EPB41L3: variants seen among roughly 807,000 people sequenced by gnomAD.
The protein encoded by EPB41L3 is band 4.1-like protein 3.
A neutral mutation model predicts 127.1 loss-of-function variants in EPB41L3; 57 were observed. The observed-to-expected ratio is 0.45, with a 90% CI of 0.36 to 0.56. The LOEUF is 0.56. EPB41L3 is among the 20% of genes least tolerant of loss of function. The pLI, the probability that EPB41L3 is intolerant of heterozygous loss-of-function variation, is 0.00. For synonymous variants in EPB41L3, 572 were observed against 549.5 expected, an observed-to-expected ratio of 1.04 and a Z score of -0.57; for missense variants, 1,273 against 1,372.2, an observed-to-expected ratio of 0.93 and a Z score of 1.14.
chr18:5,497,678 A>G (rs891495494), intron 1 of EPB41L3, among the ~76,000 whole-genome samples: 1 of 152,230 alleles, frequency 6.6e-6, no homozygotes, highest in Non-Finnish European at 1.5e-5. Context: ...CATGAACCCG[A>G]TATCATCAGC....
At chr18:5,481,426 A>T (rs952749348) in intron 2 of EPB41L3, among the ~76,000 whole-genome samples, 2 of 152,156 alleles carry the variant, frequency 1.3e-5, no homozygotes, top group African/African-American at 2.4e-5. Context: ...CTGCCCGGCA[A>T]TAAAAGTGCA....
intron 19 of EPB41L3, 56 bp downstream of exon 19, chr18:5,396,145 G>A: frequency 6.3e-7 from 1 of 1,599,924 alleles, no homozygotes; most frequent in Non-Finnish European, 8.6e-7. Context: ...AAACACACTA[G>A]GCCATAGAGG....
At position 5,397,134 on chromosome 18, in the gene EPB41L3, G is replaced by A. The variant is rs1365174194; in HGVS notation, c.2765C>T (p.Ala922Val). ...CTGCTCCTCTTGTCGCTCACGGGAA[G>A]CAGCGGCTGTCTCTTCCTGTTCCAG... is the stretch of plus-strand genomic sequence containing the variant. ...AVLEQEETAA[A>V]SRERQEEQSA... Residue 922 changes from alanine to valine, a missense_variant, in exon 18 of 23, where the codon GCT becomes GTT. By Grantham distance (64) the Ala-to-Val change is moderately conservative. Around this residue, in one of 3 missense-constraint regions of EPB41L3, gnomAD observed 765 missense variants for 782.9 expected, o/e 0.98. Coordinates refer to ENST00000341928, the MANE Select transcript of EPB41L3 (RefSeq NM_012307.5). This position sits in a 1 kb window ranked among gnomAD's most constrained non-coding sequence, Gnocchi z 4.1. 1.2e-6 allele frequency: 2 copies of A among 1,614,070 alleles called. No individual in the cohort carries two copies. The highest frequency in any genetic ancestry group is 1.7e-6 in the Non-Finnish European group (2 of 1,180,030).
At chr18:5,546,759 A>G (rs1401503971), upstream of EPB41L3, among the ~76,000 whole-genome samples, 1 of 152,128 alleles carries the variant, frequency 6.6e-6, no homozygotes, top group Non-Finnish European at 1.5e-5. Flanking sequence ...ATAGCTGCAT[A>G]GCTCCCTCAG....
chr18:5,547,177 T>G (rs2093894927), upstream of EPB41L3, among the ~76,000 whole-genome samples: 1 of 152,218 alleles, frequency 6.6e-6, no homozygotes, highest in Non-Finnish European at 1.5e-5. Context: ...ACAATTATGA[T>G]TGAATTTGCT....
At chr18:5,581,980 G>A (rs2094397792) in intron 3 of EPB41L3, among the ~76,000 whole-genome samples, 1 of 152,212 alleles carries the variant, frequency 6.6e-6, no homozygotes, top group South Asian at 2.1e-4. Context: ...CTGGGTGTCA[G>A]AGGGAGACCC....
At chr18:5,498,300 T>C (rs2091372278) in intron 1 of EPB41L3, among the ~76,000 whole-genome samples, 2 of 152,266 alleles carry the variant, frequency 1.3e-5, no homozygotes, top group Admixed American at 1.3e-4. Flanking sequence ...ATCATTAAAA[T>C]GGAGTTCAGA....
chr18:5,525,854 T>TA (rs1020771419), intron 1 of EPB41L3, among the ~76,000 whole-genome samples: 104 of 152,302 alleles, frequency 6.8e-4, no homozygotes, highest in African/African-American at 2.5e-3. Context: ...GGCAGATGCA[T>TA]AAAAATAATT....
At chr18:5,610,261 C>T in intron 3 of EPB41L3, 1 of 985,382 alleles carries the variant, frequency 1.0e-6, no homozygotes, top group Non-Finnish European at 1.2e-6. Context: ...GAAAAAAATA[C>T]TTTAGACATT....
At chr18:5,426,975 C>T (rs1236098039) in intron 9 of EPB41L3, among the ~76,000 whole-genome samples, 1 of 152,140 alleles carries the variant, frequency 6.6e-6, no homozygotes, top group Non-Finnish European at 1.5e-5. Context: ...TATGTTCATA[C>T]TAAACATCAT....
intron 3 of EPB41L3, among the ~76,000 whole-genome samples, chr18:5,458,164 T>C (rs1246028165): frequency 6.6e-6 from 1 of 152,236 alleles, no homozygotes; most frequent in African/African-American, 2.4e-5. Context: ...TTCTCTACCA[T>C]GCAGGTATAA....
At chr18:5,606,431 C>T (rs537166948) in intron 3 of EPB41L3, among the ~76,000 whole-genome samples, 1 of 152,154 alleles carries the variant, frequency 6.6e-6, no homozygotes, top group South Asian at 2.1e-4. Context: ...TTAGGCCTCC[C>T]TTACATAGAT....
chr18:5,610,993 C>T (rs1157023643), intron 3 of EPB41L3, among the ~76,000 whole-genome samples: 1 of 152,172 alleles, frequency 6.6e-6, no homozygotes, highest in Non-Finnish European at 1.5e-5. Flanking sequence ...AATAGCTCAT[C>T]TGTCATAAGC....
chr18:5,395,068 T>C lies in EPB41L3; in HGVS notation c.3152A>G (p.Gln1051Arg). 2.5e-6 allele frequency: 4 copies of C among 1,614,000 alleles called. No individual in the cohort carries two copies. Among genetic ancestry groups the C allele is most frequent in the Non-Finnish European group, 3.4e-6 (4 of 1,179,848 alleles). ...TATTTACCGTCTCACACACACTACCTGGTCATGGTCAATGTCTGCATCCCC... is the reference window on the plus strand; with the variant it reads ...TATTTACCGTCTCACACACACTACCCGGTCATGGTCAATGTCTGCATCCCC... ...ITGDADIDHD[Q>R]ALAQAIKEAK... The change falls in exon 21 of 23, where the codon CAG becomes CGG. Residue 1051 changes from glutamine to arginine, a missense_variant and splice_region_variant. Transcript: ENST00000341928.
intron 1 of EPB41L3, among the ~76,000 whole-genome samples, chr18:5,510,794 T>C (rs1354170411): frequency 2.0e-5 from 3 of 152,152 alleles, no homozygotes; most frequent in Non-Finnish European, 4.4e-5. Context: ...ATGAATAATC[T>C]AGTTGTTTTA....
At chr18:5,423,142 AT>A (rs1351321284) in intron 11 of EPB41L3, among the ~76,000 whole-genome samples, 1 of 152,160 alleles carries the variant, frequency 6.6e-6, no homozygotes, top group African/African-American at 2.4e-5. Context: ...TATTTTCTTC[AT>A]TCCCGAAGTG....
chr18:5,399,476 ACATGCAGGTCTGTGATGGGAC>A, intron 16 of EPB41L3: 1 of 397,790 alleles, frequency 2.5e-6, no homozygotes, highest in Non-Finnish European at 4.4e-6. Context: ...GGCAACTGCT[ACATGCAGGTCTGTGATGGGAC>A]CATACAGTGC....
Position 5,489,110 on chromosome 18 carries a change from G to A in EPB41L3, c.74C>T (p.Ala25Val), listed in dbSNP as rs1357547181. 5 of 1,594,066 alleles carry A rather than the reference G, an allele frequency of 3.1e-6. No homozygotes were observed. Among genetic ancestry groups the A allele is most frequent in the Non-Finnish European group, 3.4e-6 (4 of 1,174,742 alleles). The change falls in exon 2 of 23, where the codon GCG (alanine) becomes GTG (valine). Residue 25 changes from alanine to valine, a missense_variant. By Grantham distance (64) the Ala-to-Val change is moderately conservative. Transcript: ENST00000341928. ...CACGGGCGCCCCCGCGCGCCCCTGC[G>A]CCCCCGCCGCCTCCTGGGGCTCGGC... ...QEAEPQEAAG[A>V]QGRAGAPVPE...
At chr18:5,462,728 A>G (rs912569950) in intron 3 of EPB41L3, among the ~76,000 whole-genome samples, 2 of 152,190 alleles carry the variant, frequency 1.3e-5, no homozygotes, top group African/African-American at 2.4e-5. Context: ...CTTCTTGCTC[A>G]TTCGCTCACT....
Sources: allele counts gnomAD v4.1 joint callset (sites outside exome capture counted in the v4.1 genomes callset), GRCh38; gene constraint gnomAD v4.1.1; regional missense constraint gnomAD v4.1.1; non-coding constraint Gnocchi (gnomAD v3.1); transcripts MANE v1.5; gene names NCBI Gene and HGNC (gene_info 2026-07-23, HGNC 2026-07-21).